The following CPEB3 variants were observed in gnomAD, a reference collection of about 807,000 sequenced individuals.
CPEB3 encodes cytoplasmic polyadenylation element-binding protein 3.
In CPEB3, 20 loss-of-function variants were observed where a neutral mutation model predicts 67.2. The observed-to-expected ratio is 0.30, with a 90% CI of 0.21 to 0.43. The LOEUF is 0.43. Among genes scored for constraint, CPEB3 ranks in the 20% least tolerant of loss-of-function variants. CPEB3 has a pLI of 1.00. For synonymous variants in CPEB3, 376 were observed against 393.1 expected (o/e 0.96, Z 0.51); for missense variants, 746 against 968.6 (o/e 0.77, Z 3.05).
intron 1 of CPEB3, among the ~76,000 whole-genome samples, chr10:92,265,665 C>T (rs1369894344): frequency 6.6e-6 from 1 of 151,376 alleles, no homozygotes; most frequent in East Asian, 1.9e-4. Flanking sequence ...AGGAGAATCG[C>T]TTGAACCCAG....
chr10:92,133,735 T>A (rs1424340953), intron 6 of CPEB3, among the ~76,000 whole-genome samples: 3 of 152,044 alleles, frequency 2.0e-5, no homozygotes, highest in Non-Finnish European at 4.4e-5. Flanking sequence ...TAGACCAATA[T>A]CCCTGACGAA....
intron 7 of CPEB3, among the ~76,000 whole-genome samples, chr10:92,103,909 C>A (rs1844311594): frequency 6.6e-6 from 1 of 152,170 alleles, no homozygotes; most frequent in Non-Finnish European, 1.5e-5. Flanking sequence ...ATGCTGATTA[C>A]TAAAACTCTT....
chr10:92,179,185 T>C (rs1005122987), intron 4 of CPEB3, among the ~76,000 whole-genome samples: 1 of 152,064 alleles, frequency 6.6e-6, no homozygotes, highest in Admixed American at 6.6e-5. Context: ...CTCTCAAGGA[T>C]TGGAGAAATT....
chr10:92,192,966 C>T (rs1015533920), intron 2 of CPEB3, among the ~76,000 whole-genome samples: 2 of 152,164 alleles, frequency 1.3e-5, no homozygotes, highest in African/African-American at 4.8e-5. Flanking sequence ...AATCCCAGCA[C>T]TTTGAGAGGC....
chr10:92,120,677 C>T (rs1474298211), intron 6 of CPEB3, among the ~76,000 whole-genome samples: 1 of 152,142 alleles, frequency 6.6e-6, no homozygotes, highest in African/African-American at 2.4e-5. Context: ...GAGATATGTG[C>T]TGAAATATTT....
chr10:92,218,235 C>T (rs1325104382), intron 2 of CPEB3, among the ~76,000 whole-genome samples: 4 of 152,060 alleles, frequency 2.6e-5, no homozygotes, highest in African/African-American at 7.2e-5. Flanking sequence ...GGTGAAACCT[C>T]GTCTCTACTA....
chr10:92,143,973 A>T (rs1846559778), intron 5 of CPEB3, among the ~76,000 whole-genome samples: 1 of 152,226 alleles, frequency 6.6e-6, no homozygotes, highest in Non-Finnish European at 1.5e-5. Context: ...AGCTAGAAAA[A>T]TGCTAGAAAA....
intron 2 of CPEB3, among the ~76,000 whole-genome samples, chr10:92,222,749 G>C (rs1850764591): frequency 1.3e-5 from 2 of 152,092 alleles, no homozygotes; most frequent in South Asian, 4.1e-4. Flanking sequence ...ATAAAATGCA[G>C]TTCTGATGGC....
chr10:92,126,804 T>C (rs1845626940), intron 6 of CPEB3, among the ~76,000 whole-genome samples: 1 of 152,248 alleles, frequency 6.6e-6, no homozygotes, highest in Non-Finnish European at 1.5e-5. Context: ...AAAAGCTGTG[T>C]GTTCTTATGA....
chr10:92,211,078 A>G (rs1239026099), intron 2 of CPEB3, among the ~76,000 whole-genome samples: 4 of 152,242 alleles, frequency 2.6e-5, no homozygotes, highest in African/African-American at 9.6e-5. Context: ...TAAAAGCTAT[A>G]AACATGAAAG....
At chr10:92,054,580 C>T (rs554546075) in intron 9 of CPEB3, among the ~76,000 whole-genome samples, 3 of 152,214 alleles carry the variant, frequency 2.0e-5, no homozygotes, top group South Asian at 4.2e-4. Flanking sequence ...GCTGGGATTA[C>T]AGGCGCCCAT....
intron 2 of CPEB3, among the ~76,000 whole-genome samples, chr10:92,225,059 C>T (rs1244817351): frequency 6.6e-6 from 1 of 151,530 alleles, no homozygotes; most frequent in Non-Finnish European, 1.5e-5. Context: ...ACTGCAACCT[C>T]CACCTCCTGG....
intron 1 of CPEB3, among the ~76,000 whole-genome samples, chr10:92,266,727 T>C (rs1046411577): frequency 6.6e-6 from 1 of 152,010 alleles, no homozygotes; most frequent in African/African-American, 2.4e-5. Context: ...ACAGATCTGG[T>C]AGAATATTTA....
intron 1 of CPEB3, among the ~76,000 whole-genome samples, chr10:92,287,288 T>C (rs1198368731): frequency 2.0e-5 from 3 of 152,106 alleles, no homozygotes; most frequent in South Asian, 4.1e-4. Flanking sequence ...GCCACTATCA[T>C]AGATTTTCAA....
intron 6 of CPEB3, among the ~76,000 whole-genome samples, chr10:92,116,678 G>T (rs1845046066): frequency 6.6e-6 from 1 of 152,308 alleles, no homozygotes; most frequent in East Asian, 1.9e-4. Context: ...TGAGGAGTAT[G>T]TGGGGGCTTC....
At chr10:92,092,009 A>T (rs1843639192) in intron 7 of CPEB3, 65 bp from the exon 8 acceptor site, 3 of 964,826 alleles carry the variant, frequency 3.1e-6, no homozygotes, top group Admixed American at 3.9e-5. Context: ...GAATAAGATG[A>T]CTAAAGACAA....
At chr10:92,214,376 T>A (rs1352475463) in intron 2 of CPEB3, among the ~76,000 whole-genome samples, 2 of 152,182 alleles carry the variant, frequency 1.3e-5, no homozygotes, top group Admixed American at 1.3e-4. Flanking sequence ...GCAACTTTGA[T>A]CTTGGACTTC....
At chr10:92,111,283 G>A in intron 6 of CPEB3, 89 bp from the exon 7 acceptor site, 1 of 922,600 alleles carries the variant, frequency 1.1e-6, no homozygotes. Context: ...GTTTCATTTT[G>A]GCAAATTCTT....
chr10:92,069,945 A>G (rs1467156850), intron 9 of CPEB3, among the ~76,000 whole-genome samples: 1 of 152,188 alleles, frequency 6.6e-6, no homozygotes, highest in Admixed American at 6.5e-5. Context: ...TCAATGCCCC[A>G]CTACTACATG....
Sources: allele counts gnomAD v4.1 joint callset (sites outside exome capture counted in the v4.1 genomes callset), GRCh38; gene constraint gnomAD v4.1.1; transcripts MANE v1.5; gene names NCBI Gene and HGNC (gene_info 2026-07-23, HGNC 2026-07-21).